The following USP6NL variants were observed in gnomAD, a reference collection of about 807,000 sequenced individuals.
USP6NL encodes the protein USP6 N-terminal-like protein.
A neutral mutation model predicts 61.9 loss-of-function variants in USP6NL; 26 were observed. The observed-to-expected ratio is 0.42, with a 90% CI of 0.31 to 0.58. The LOEUF is 0.58. USP6NL is among the 20% of genes least tolerant of loss of function. USP6NL has a pLI of 0.16. For synonymous variants in USP6NL, 432 were observed against 390.1 expected (o/e 1.11, Z -1.27); for missense variants, 1,114 against 1,034.3 (o/e 1.08, Z -1.06).
chr10:11,477,297 CAGG>C (rs1418132334), intron 14 of USP6NL, among the ~76,000 whole-genome samples: 1 of 152,058 alleles, frequency 6.6e-6, no homozygotes, highest in Non-Finnish European at 1.5e-5. Flanking sequence ...TATCAAAGAG[CAGG>C]AGAAGGTACA....
rs1282145889 is a variant in USP6NL, at chr10:11,499,543, GA to G, written c.384+1557del. 6.6e-6 allele frequency among the ~76,000 whole-genome samples: 1 copy of G among 152,170 alleles called. No homozygotes were observed. Among genetic ancestry groups the G allele is most frequent in the Non-Finnish European group, 1.5e-5 (1 of 68,028 alleles). Reference sequence around the variant, plus strand: ...TCTGCCGGGGTAATCAAGTTAGGATGAGGTCATCCTGGATGAGGGTGGACCC... The same window carrying G: ...TCTGCCGGGGTAATCAAGTTAGGATGGGTCATCCTGGATGAGGGTGGACCC... On this transcript the variant is annotated intron_variant, in intron 7 of 14. Coordinates refer to ENST00000609104, the MANE Select transcript of USP6NL (RefSeq NM_014688.5). The surrounding 1 kb of genome is among the most constrained non-coding windows in gnomAD (Gnocchi z 4.5).
Position 11,485,040 on chromosome 10 carries a change from C to T in USP6NL, c.856G>A (p.Asp286Asn), listed in dbSNP as rs1833397888. ...CGTTCTCCTTCAAAGATGTAGATAT[C>T]CCATATTCTGAGGTTTAGTGTAAAG... The part of the protein sequence containing the change: ...TPFTLNLRIW[D>N]IYIFEGERVL... Residue 286 changes from aspartate to asparagine, a missense_variant, in exon 13 of 15, where the codon GAT (aspartate) becomes AAT (asparagine). Asp to Asn is a conservative substitution (Grantham distance 23). Transcript: ENST00000609104. This position sits in a 1 kb window ranked among gnomAD's most constrained non-coding sequence, Gnocchi z 4.8. 6.4e-7 allele frequency: 1 copy of T among 1,551,062 alleles called. No homozygotes were observed. The highest frequency in any genetic ancestry group is 8.7e-7 in the Non-Finnish European group (1 of 1,146,884).
At chr10:11,469,674 C>G (rs1472907720) in intron 14 of USP6NL, among the ~76,000 whole-genome samples, 1 of 152,166 alleles carries the variant, frequency 6.6e-6, no homozygotes, top group Non-Finnish European at 1.5e-5. Flanking sequence ...CTGAAAAACC[C>G]ATTCCTCCAC....
chr10:11,535,462 A>G (rs1835794706), intron 2 of USP6NL, among the ~76,000 whole-genome samples: 1 of 152,224 alleles, frequency 6.6e-6, no homozygotes, highest in Admixed American at 6.5e-5. Flanking sequence ...TGATGACCAA[A>G]GGCAAGCTGA....
rs1203638370 is a variant in USP6NL at position 11,574,588 on chromosome 10, GAC to G, written c.4+23041_4+23042del. 6.6e-6 allele frequency among the ~76,000 whole-genome samples: 1 copy of G among 152,204 alleles called. No individual in the cohort carries two copies. Among genetic ancestry groups the G allele is most frequent in the Non-Finnish European group, 1.5e-5 (1 of 68,038 alleles). On this transcript the variant is annotated intron_variant, in intron 2 of 14. Transcript: ENST00000609104. The surrounding 1 kb of genome is among the most constrained non-coding windows in gnomAD (Gnocchi z 4.3). ...ACAGAGTTAACTAAAAGAGAAAAAT[GAC>G]ACTCAGGTGAACATGGCTAAATGCT...
Position 11,592,789 on chromosome 10 carries a change from TA to T in USP6NL, c.4+4841del, listed in dbSNP as rs1566204808. On this transcript the variant is annotated intron_variant, in intron 2 of 14. Transcript: ENST00000609104. The surrounding 1 kb of genome is among the most constrained non-coding windows in gnomAD (Gnocchi z 4.7). ...CTTGGAGCACAACTTTTTTACTTAG[TA>T]AGACTCTGAAGAATCCTTCTACTAC... is the stretch of plus-strand genomic sequence containing the variant. Among the ~76,000 whole-genome samples, 2 of 152,246 alleles carry T rather than the reference TA, an allele frequency of 1.3e-5. No homozygotes were observed. The highest frequency in any genetic ancestry group is 2.9e-5 in the Non-Finnish European group (2 of 68,034).
intron 6 of USP6NL, among the ~76,000 whole-genome samples, chr10:11,509,347 A>T (rs1420934911): frequency 6.6e-6 from 1 of 152,198 alleles, no homozygotes; most frequent in Non-Finnish European, 1.5e-5. Context: ...AGCTGAATTA[A>T]ATCACTCCTG....
chr10:11,517,844 C>T (rs1835021549), intron 5 of USP6NL, among the ~76,000 whole-genome samples: 1 of 152,158 alleles, frequency 6.6e-6, no homozygotes, highest in Non-Finnish European at 1.5e-5. Context: ...ATAATAATCC[C>T]AGTCAATACC....
At chr10:11,498,508 C>T (rs1040333790) in intron 7 of USP6NL, among the ~76,000 whole-genome samples, 4 of 151,944 alleles carry the variant, frequency 2.6e-5, no homozygotes, top group South Asian at 2.1e-4. Context: ...CACCTAGCCT[C>T]GCTAAGCTCA....
At chr10:11,550,525 G>A (rs1836442314) in intron 2 of USP6NL, among the ~76,000 whole-genome samples, 1 of 152,142 alleles carries the variant, frequency 6.6e-6, no homozygotes, top group South Asian at 2.1e-4. Flanking sequence ...GGAGGCCAAG[G>A]TGGGCAGATC....
At chr10:11,581,527 T>C (rs1411187116) in intron 2 of USP6NL, among the ~76,000 whole-genome samples, 2 of 152,252 alleles carry the variant, frequency 1.3e-5, no homozygotes, top group South Asian at 2.1e-4. Context: ...CATTTCAGAA[T>C]TGAACTACTG....
intron 1 of USP6NL, among the ~76,000 whole-genome samples, chr10:11,604,657 GA>G (rs1838651613): frequency 6.6e-6 from 1 of 152,154 alleles, no homozygotes; most frequent in Admixed American, 6.5e-5. Context: ...GATATAAACT[GA>G]TAAGGGATAC....
rs997915010 is a variant in USP6NL, at chr10:11,585,922, G to A, written c.4+11709C>T. On this transcript the variant is annotated intron_variant, in intron 2 of 14. Coordinates refer to ENST00000609104, the MANE Select transcript of USP6NL (RefSeq NM_014688.5). This position sits in a 1 kb window ranked among gnomAD's most constrained non-coding sequence, Gnocchi z 4.5. ...ATGAGGTACCTAGAGGTCAGAGGCCGGGAAGAGGAAGAAACAGAGCATTAG... is the reference window on the plus strand; with the variant it reads ...ATGAGGTACCTAGAGGTCAGAGGCCAGGAAGAGGAAGAAACAGAGCATTAG... Among the ~76,000 whole-genome samples the A allele has an allele frequency of 1.3e-5, 2 of 152,078 alleles. No individual in the cohort carries two copies. The highest frequency in any genetic ancestry group is 2.9e-5 in the Non-Finnish European group (2 of 68,016).
At chr10:11,530,645 T>C (rs1443077171) in intron 2 of USP6NL, among the ~76,000 whole-genome samples, 1 of 152,214 alleles carries the variant, frequency 6.6e-6, no homozygotes, top group African/African-American at 2.4e-5. Context: ...TATTAATGTA[T>C]GTATTCTAAA....
At chr10:11,570,422 C>T (rs1421623095) in intron 2 of USP6NL, among the ~76,000 whole-genome samples, 3 of 152,184 alleles carry the variant, frequency 2.0e-5, no homozygotes, top group African/African-American at 4.8e-5. Context: ...AAGGTCAGGA[C>T]AGATACCAAA....
chr10:11,584,651 T>C (rs1285444737), intron 2 of USP6NL, among the ~76,000 whole-genome samples: 2 of 152,100 alleles, frequency 1.3e-5, no homozygotes, highest in Non-Finnish European at 2.9e-5. Flanking sequence ...TAAAACTATA[T>C]GAGGCTGGGC....
rs1045871930 is a variant in USP6NL, at chr10:11,487,666, A to G, written c.664+1436T>C. 3.3e-5 allele frequency among the ~76,000 whole-genome samples: 5 copies of G among 152,124 alleles called. No homozygotes were observed. Among genetic ancestry groups the G allele is most frequent in the African/African-American group, 9.7e-5 (4 of 41,418 alleles). On this transcript the variant is annotated intron_variant, in intron 10 of 14. Transcript: ENST00000609104. This position sits in a 1 kb window ranked among gnomAD's most constrained non-coding sequence, Gnocchi z 4.2. ...ATACTGCCTACTGGATGGCAACTCA[A>G]TATAATAACATGTCTTACTTTTAGA...
rs939219975 is a variant in USP6NL at position 11,482,021 on chromosome 10, A to C, written c.926-99T>G. 4 of 1,254,146 alleles carry C rather than the reference A, an allele frequency of 3.2e-6. No individual in the cohort carries two copies. The highest frequency in any genetic ancestry group is 4.3e-6 in the Non-Finnish European group (4 of 937,162). The allele number at this position is 1,254,146 out of a possible 1,614,324, so 77.7% of individuals were successfully genotyped here. A position where few individuals can be genotyped will look rare whatever the true frequency, so the allele number is the denominator to read the frequency against. ...AGGTGTAGTGTAAAAGGGCATTAAA[A>C]AGGGCGCAAGCAGCATACAACTTAC... On this transcript the variant is annotated intron_variant, in intron 13 of 14. Coordinates refer to ENST00000609104, the MANE Select transcript of USP6NL (RefSeq NM_014688.5). The surrounding 1 kb of genome is among the most constrained non-coding windows in gnomAD (Gnocchi z 4.0).
At chr10:11,584,702 C>T (rs1191896545) in intron 2 of USP6NL, among the ~76,000 whole-genome samples, 1 of 152,062 alleles carries the variant, frequency 6.6e-6, no homozygotes, top group African/African-American at 2.4e-5. Flanking sequence ...TCTGGGAGGC[C>T]GAGGCAGGCA....
Sources: gnomAD v4.1 joint callset for allele counts (sites outside exome capture counted in the v4.1 genomes callset) on GRCh38, gnomAD v4.1.1 for gene constraint, Gnocchi (gnomAD v3.1) non-coding constraint, MANE v1.5 for transcripts, NCBI Gene and HGNC (gene_info 2026-07-23, HGNC 2026-07-21) for gene names.